Variants in SAMD4A observed in about 807,000 individuals in gnomAD.
SAMD4A encodes the protein protein Smaug homolog 1.
A neutral mutation model predicts 81.3 loss-of-function variants in SAMD4A; 33 were observed. The ratio of observed to expected loss-of-function variants is 0.41; its 90% CI spans 0.31 to 0.54. The LOEUF is 0.54. Among genes scored for constraint, SAMD4A ranks in the 20% least tolerant of loss-of-function variants. The pLI is 0.37. For missense variants in SAMD4A, 854 were observed against 951.1 expected (o/e 0.90, Z 1.34); for synonymous variants, 389 against 382.1 (o/e 1.02, Z -0.21).
At chr14:54,717,271 A>G (rs1455651469) in intron 3 of SAMD4A, among the ~76,000 whole-genome samples, 1 of 151,820 alleles carries the variant, frequency 6.6e-6, no homozygotes, top group Non-Finnish European at 1.5e-5. Flanking sequence ...CTAGACCCCT[A>G]TCTCTACAAA....
At chr14:54,684,802 T>C (rs543502866) in intron 2 of SAMD4A, among the ~76,000 whole-genome samples, 13 of 152,370 alleles carry the variant, frequency 8.5e-5, no homozygotes, top group African/African-American at 3.1e-4. Flanking sequence ...TTTGGCCTGG[T>C]AGCCAGAGTG....
intron 7 of SAMD4A, among the ~76,000 whole-genome samples, chr14:54,762,611 G>A (rs1019947382): frequency 6.6e-6 from 1 of 151,950 alleles, no homozygotes; most frequent in Non-Finnish European, 1.5e-5. Flanking sequence ...GCGGCACATC[G>A]CCCTACTTCC....
chr14:54,692,879 C>CCCCT (rs1555343992), intron 2 of SAMD4A: 4 of 144,120 alleles, frequency 2.8e-5, no homozygotes, highest in Non-Finnish European at 6.1e-5. Context: ...ACTTAGTGCC[C>CCCCT]CCCCCCGCAA....
At chr14:54,606,213 G>GTGTGTGTGTGCGTGCA (rs1555335555) in intron 2 of SAMD4A, among the ~76,000 whole-genome samples, 3 of 144,418 alleles carry the variant, frequency 2.1e-5, no homozygotes, top group Non-Finnish European at 4.5e-5. Flanking sequence ...GTGTGTGTGT[G>GTGTGTGTGTGCGTGCA]CGTGCACGTG....
chr14:54,700,242 A>AG (rs2036679427), intron 2 of SAMD4A, among the ~76,000 whole-genome samples: 2 of 152,086 alleles, frequency 1.3e-5, no homozygotes, highest in Non-Finnish European at 2.9e-5. Context: ...CAGCACATGG[A>AG]GGGGCAGATG....
intron 3 of SAMD4A, among the ~76,000 whole-genome samples, chr14:54,704,548 C>T (rs912643099): frequency 3.5e-4 from 54 of 152,286 alleles, no homozygotes; most frequent in African/African-American, 1.3e-3. Context: ...GCTGTGGCCA[C>T]CCAGCCAGAC....
chr14:54,629,980 T>A (rs1003448879), intron 2 of SAMD4A, among the ~76,000 whole-genome samples: 3 of 152,212 alleles, frequency 2.0e-5, no homozygotes, highest in Admixed American at 6.5e-5. Flanking sequence ...TCCTCAAGCA[T>A]CATCATGTTG....
At chr14:54,652,343 T>G (rs1039950101) in intron 2 of SAMD4A, among the ~76,000 whole-genome samples, 1 of 152,216 alleles carries the variant, frequency 6.6e-6, no homozygotes, top group African/African-American at 2.4e-5. Flanking sequence ...CCAGTGTCAT[T>G]TGGGATCTTC....
intron 2 of SAMD4A, among the ~76,000 whole-genome samples, chr14:54,587,348 A>G (rs926731002): frequency 2.6e-5 from 4 of 152,182 alleles, no homozygotes; most frequent in Non-Finnish European, 5.9e-5. Flanking sequence ...AGGGTTTTCT[A>G]GGTATACAAT....
At chr14:54,570,531 A>C (rs917578822) in intron 2 of SAMD4A, among the ~76,000 whole-genome samples, 1 of 152,212 alleles carries the variant, frequency 6.6e-6, no homozygotes, top group Non-Finnish European at 1.5e-5. Context: ...TCAGTAGTAA[A>C]AAGTGACCCC....
chr14:54,759,414 C>T (rs1414214790), intron 6 of SAMD4A, among the ~76,000 whole-genome samples: 2 of 152,158 alleles, frequency 1.3e-5, no homozygotes, highest in Non-Finnish European at 2.9e-5. Flanking sequence ...GAGCGTTTCT[C>T]CCCAGGATCC....
intron 8 of SAMD4A, among the ~76,000 whole-genome samples, chr14:54,766,166 T>C (rs2038537372): frequency 6.6e-6 from 1 of 152,238 alleles, no homozygotes; most frequent in Non-Finnish European, 1.5e-5. Flanking sequence ...TGACTTTGTT[T>C]CAGGGACAAG....
chr14:54,689,311 C>T (rs1379339256), intron 2 of SAMD4A, among the ~76,000 whole-genome samples: 1 of 152,154 alleles, frequency 6.6e-6, no homozygotes, highest in African/African-American at 2.4e-5. Flanking sequence ...GGCTTTGGGT[C>T]TCCTCCTGTC....
intron 3 of SAMD4A, among the ~76,000 whole-genome samples, chr14:54,733,403 C>G (rs2037608675): frequency 6.6e-6 from 1 of 152,060 alleles, no homozygotes; most frequent in Non-Finnish European, 1.5e-5. Flanking sequence ...TGGATTCATA[C>G]TGTATACAAT....
At chr14:54,678,585 T>G (rs1426403817) in intron 2 of SAMD4A, among the ~76,000 whole-genome samples, 1 of 150,214 alleles carries the variant, frequency 6.7e-6, no homozygotes, top group South Asian at 2.1e-4. Flanking sequence ...GTCTCGCTCT[T>G]TCGCCCAGGC....
intron 2 of SAMD4A, among the ~76,000 whole-genome samples, chr14:54,690,629 C>T (rs2036409042): frequency 6.6e-6 from 1 of 152,128 alleles, no homozygotes; most frequent in Non-Finnish European, 1.5e-5. Context: ...AAAACTTTCC[C>T]TTTGGCTATC....
At chr14:54,730,329 T>A (rs950483919) in intron 3 of SAMD4A, among the ~76,000 whole-genome samples, 3 of 152,224 alleles carry the variant, frequency 2.0e-5, no homozygotes, top group African/African-American at 7.2e-5. Flanking sequence ...CCTGTTGTGA[T>A]GTTCTTTGCA....
intron 11 of SAMD4A, among the ~76,000 whole-genome samples, chr14:54,778,270 G>A (rs2038911524): frequency 6.6e-6 from 1 of 152,180 alleles, no homozygotes; most frequent in Admixed American, 6.5e-5. Flanking sequence ...GGTCCAGACA[G>A]TCCCCTTTCT....
chr14:54,721,209 T>C (rs570763891), intron 3 of SAMD4A, among the ~76,000 whole-genome samples: 1 of 152,322 alleles, frequency 6.6e-6, no homozygotes, highest in African/African-American at 2.4e-5. Context: ...ACCATAGCAT[T>C]CCATTGTCTA....
Sources: allele counts gnomAD v4.1 joint callset (sites outside exome capture counted in the v4.1 genomes callset), GRCh38; gene constraint gnomAD v4.1.1; transcripts MANE v1.5; gene names NCBI Gene and HGNC (gene_info 2026-07-23, HGNC 2026-07-21).